The following NR3C2 variants were observed in gnomAD, a reference collection of about 807,000 sequenced individuals.
NR3C2 encodes the protein nuclear receptor subfamily 3 group C member 2, also known as mineralocorticoid receptor.
Under a neutral mutation model 86.4 loss-of-function variants are expected in NR3C2, and 15 were observed. The ratio of observed to expected loss-of-function variants is 0.17; its 90% CI spans 0.12 to 0.27. NR3C2 has a LOEUF of 0.27. Ranked by LOEUF, NR3C2 falls within the 10% of genes least tolerant of loss-of-function variation. The pLI is 1.00. For missense variants in NR3C2, 960 were observed against 1,195.6 expected (o/e 0.80, Z 2.91); for synonymous variants, 458 against 450.5 (o/e 1.02, Z -0.21).
intron 3 of NR3C2, among the ~76,000 whole-genome samples, chr4:148,225,669 C>G (rs1738119218): frequency 6.6e-6 from 1 of 152,076 alleles, no homozygotes; most frequent in Non-Finnish European, 1.5e-5. Context: ...CTCAATATCT[C>G]TTCTGTACTA....
At chr4:148,201,819 C>T (rs1420718417) in intron 3 of NR3C2, among the ~76,000 whole-genome samples, 1 of 152,196 alleles carries the variant, frequency 6.6e-6, no homozygotes, top group Non-Finnish European at 1.5e-5. Flanking sequence ...CCATCAGTGT[C>T]CCACTCCTCT....
intron 2 of NR3C2, among the ~76,000 whole-genome samples, chr4:148,317,896 T>C (rs1468233039): frequency 1.3e-5 from 2 of 152,050 alleles, no homozygotes; most frequent in Non-Finnish European, 2.9e-5. Context: ...TTATTATACT[T>C]TAAGTTTTAG....
chr4:148,179,238 T>C (rs960668191), intron 4 of NR3C2, among the ~76,000 whole-genome samples: 2 of 151,566 alleles, frequency 1.3e-5, no homozygotes, highest in Admixed American at 6.6e-5. Flanking sequence ...GTATTGAGGA[T>C]GCTACTTGGA....
At chr4:148,425,616 C>T (rs910715950) in intron 2 of NR3C2, among the ~76,000 whole-genome samples, 5 of 152,142 alleles carry the variant, frequency 3.3e-5, no homozygotes, top group Admixed American at 6.5e-5. Flanking sequence ...GGAACAGATA[C>T]TAAATATAGC....
intron 4 of NR3C2, among the ~76,000 whole-genome samples, chr4:148,166,150 A>G (rs61757926): frequency 2.6e-5 from 4 of 152,252 alleles, no homozygotes; most frequent in Non-Finnish European, 5.9e-5. Flanking sequence ...GGATCTCTTC[A>G]GGATACAGAC....
At chr4:148,306,100 A>C (rs1242394939) in intron 2 of NR3C2, among the ~76,000 whole-genome samples, 2 of 152,240 alleles carry the variant, frequency 1.3e-5, no homozygotes, top group Admixed American at 1.3e-4. Context: ...TTTACAGTTT[A>C]AGACATGTTT....
At chr4:148,206,584 G>C (rs1223985686) in intron 3 of NR3C2, among the ~76,000 whole-genome samples, 1 of 152,162 alleles carries the variant, frequency 6.6e-6, no homozygotes, top group Non-Finnish European at 1.5e-5. Context: ...TTATGCTTAT[G>C]ATGAAAAAGT....
At chr4:148,350,228 T>A (rs765266369) in intron 2 of NR3C2, among the ~76,000 whole-genome samples, 1 of 152,060 alleles carries the variant, frequency 6.6e-6, no homozygotes, top group Non-Finnish European at 1.5e-5. Context: ...TAGAAGGAGG[T>A]CTGTTTTCTC....
At chr4:148,312,233 A>C (rs1266670759) in intron 2 of NR3C2, among the ~76,000 whole-genome samples, 1 of 152,200 alleles carries the variant, frequency 6.6e-6, no homozygotes, top group Admixed American at 6.5e-5. Flanking sequence ...TAAAAGACAA[A>C]GGTAACAAAT....
At chr4:148,274,290 T>C (rs1363503082) in intron 2 of NR3C2, among the ~76,000 whole-genome samples, 1 of 152,140 alleles carries the variant, frequency 6.6e-6, no homozygotes, top group African/African-American at 2.4e-5. Flanking sequence ...TGTATATAGG[T>C]TTAGTCAGCA....
At chr4:148,291,902 C>T (rs1348114152) in intron 2 of NR3C2, among the ~76,000 whole-genome samples, 1 of 152,080 alleles carries the variant, frequency 6.6e-6, no homozygotes, top group African/African-American at 2.4e-5. Context: ...TTACATTAGC[C>T]TACAGGTGGG....
intron 2 of NR3C2, among the ~76,000 whole-genome samples, chr4:148,284,312 T>C (rs1230067685): frequency 6.6e-6 from 1 of 152,030 alleles, no homozygotes; most frequent in Non-Finnish European, 1.5e-5. Context: ...AGCCTATAAA[T>C]AGAGGGTTGG....
chr4:148,176,691 T>C (rs1446472137), intron 4 of NR3C2, among the ~76,000 whole-genome samples: 2 of 152,160 alleles, frequency 1.3e-5, no homozygotes, highest in African/African-American at 2.4e-5. Context: ...AAAGATTAGC[T>C]CCTAGAAAGA....
chr4:148,293,869 C>T (rs896647792), intron 2 of NR3C2, among the ~76,000 whole-genome samples: 2 of 152,168 alleles, frequency 1.3e-5, no homozygotes, highest in Admixed American at 6.6e-5. Context: ...CCACCAGTGA[C>T]CTATGCATAC....
chr4:148,206,616 A>G (rs140041535), intron 3 of NR3C2, among the ~76,000 whole-genome samples: 1 of 152,232 alleles, frequency 6.6e-6, no homozygotes, highest in African/African-American at 2.4e-5. Flanking sequence ...TAAAATCTGC[A>G]TACGTTAGAA....
At chr4:148,186,176 T>C (rs1038345963) in intron 4 of NR3C2, among the ~76,000 whole-genome samples, 2 of 152,216 alleles carry the variant, frequency 1.3e-5, no homozygotes, top group Admixed American at 6.5e-5. Context: ...AAAAATAACA[T>C]CTCATTACAT....
At chr4:148,323,383 T>C (rs1277435229) in intron 2 of NR3C2, among the ~76,000 whole-genome samples, 2 of 148,802 alleles carry the variant, frequency 1.3e-5, no homozygotes. Flanking sequence ...CAGGCAGGCC[T>C]CCTTGAGCTG....
intron 6 of NR3C2, among the ~76,000 whole-genome samples, chr4:148,122,735 C>G (rs773018158): frequency 1.4e-4 from 21 of 152,168 alleles, no homozygotes; most frequent in Non-Finnish European, 2.8e-4. Flanking sequence ...TATCAGTTCC[C>G]AAACACTACT....
At chr4:148,443,042 G>A (rs1021346001), upstream of NR3C2, 7 of 924,246 alleles carry the variant, frequency 7.6e-6, no homozygotes, top group Non-Finnish European at 9.0e-6. Flanking sequence ...CCCGACCCTC[G>A]AGGTTCCTCT....
Sources: allele counts gnomAD v4.1 joint callset (sites outside exome capture counted in the v4.1 genomes callset), GRCh38; gene constraint gnomAD v4.1.1; transcripts MANE v1.5; gene names NCBI Gene and HGNC (gene_info 2026-07-23, HGNC 2026-07-21).